Variants in CDC73 observed in about 807,000 individuals in gnomAD.
CDC73 encodes the protein parafibromin.
Under a neutral mutation model 83.7 loss-of-function variants are expected in CDC73, and 21 were observed. The observed-to-expected ratio is 0.25, with a 90% CI of 0.18 to 0.36. CDC73 has a LOEUF of 0.36. CDC73 is among the 10% of genes least tolerant of loss of function. The pLI is 1.00. For synonymous variants in CDC73, 224 were observed against 212.9 expected, an observed-to-expected ratio of 1.05 and a Z score of -0.45; for missense variants, 342 against 653.3, an observed-to-expected ratio of 0.52 and a Z score of 5.19.
intron 7 of CDC73, among the ~76,000 whole-genome samples, chr1:193,144,515 C>G (rs992289376): frequency 1.3e-5 from 2 of 152,086 alleles, no homozygotes; most frequent in Non-Finnish European, 1.5e-5. Context: ...AGTGATGGTA[C>G]ACAATCAATG....
intron 9 of CDC73, 79 bp from the exon 10 acceptor site, chr1:193,152,301 A>AT (rs1416083193): frequency 9.2e-6 from 8 of 874,224 alleles, no homozygotes; most frequent in Non-Finnish European, 1.5e-5. Context: ...TTCAATGTAG[A>AT]TTATTACTTT....
chr1:193,220,565 A>G (rs2102046066), intron 13 of CDC73, among the ~76,000 whole-genome samples: 1 of 152,342 alleles, frequency 6.6e-6, no homozygotes, highest in Non-Finnish European at 1.5e-5. Flanking sequence ...CACTAAATGT[A>G]GAATTGAATT....
chr1:193,134,375 A>G (rs1675750524), intron 3 of CDC73, among the ~76,000 whole-genome samples: 1 of 152,142 alleles, frequency 6.6e-6, no homozygotes, highest in South Asian at 2.1e-4. Flanking sequence ...AGCTATAAAA[A>G]AATGGTTAAA....
chr1:193,224,448 C>A (rs1677528311), intron 13 of CDC73, among the ~76,000 whole-genome samples: 1 of 150,482 alleles, frequency 6.6e-6, no homozygotes, highest in Non-Finnish European at 1.5e-5. Flanking sequence ...ATGAAATATG[C>A]ATTCACATAT....
intron 15 of CDC73, 147 bp downstream of exon 15, chr1:193,236,503 A>C (rs780838800): frequency 1.7e-5 from 11 of 655,738 alleles, no homozygotes; most frequent in Non-Finnish European, 3.0e-5. Flanking sequence ...CATCTGTGAC[A>C]TATTTTTAAA....
At chr1:193,242,511 A>G (rs143649646) in intron 15 of CDC73, among the ~76,000 whole-genome samples, 10 of 152,230 alleles carry the variant, frequency 6.6e-5, no homozygotes, top group East Asian at 3.9e-4. Context: ...CATCTATTCA[A>G]AGTGTGATTA....
At chr1:193,211,681 G>A (rs1341356474) in intron 11 of CDC73, among the ~76,000 whole-genome samples, 2 of 152,214 alleles carry the variant, frequency 1.3e-5, no homozygotes, top group African/African-American at 2.4e-5. Flanking sequence ...GCTGGACAAA[G>A]AGCATTCACA....
chr1:193,142,039 A>G lies in CDC73; in HGVS notation c.702A>G (p.Arg234=), dbSNP rs751548094. 1.9e-6 allele frequency: 3 copies of G among 1,613,738 alleles called. No individual in the cohort carries two copies. The highest frequency in any genetic ancestry group is 2.5e-6 in the Non-Finnish European group (3 of 1,179,672). ...GCAGAGAGAGAGTATGGAGGACACG[A>G]ACAACTATCTTACAAAGCACAGGAA... ...IVSRERVWRT[R]TTILQSTGKN... is the part of the protein sequence containing the mutation. Residue 234 remains arginine, a synonymous_variant, in exon 7 of 17, where the codon CGA becomes CGG. Transcript: ENST00000367435.
rs1678075578 is a variant in CDC73 at position 193,253,411 on chromosome 1, T to G, written c.*2699T>G. 4.3e-6 allele frequency: 1 copy of G among 231,124 alleles called. No homozygotes were observed. The highest frequency in any genetic ancestry group is 2.2e-5 in the African/African-American group (1 of 45,244). 14.3% of individuals were successfully genotyped at this position (231,124 alleles called of 1,614,324 possible). A position where few individuals can be genotyped will look rare whatever the true frequency, so the allele number is the denominator to read the frequency against. On this transcript the variant is annotated 3_prime_UTR_variant, in exon 17 of 17. Coordinates refer to ENST00000367435, the MANE Select transcript of CDC73 (RefSeq NM_024529.5). ...TATGTATGTGTGGTTTTTGATTTTT[T>G]GTTGTTGTTGTTGTTTTGTGGCCAC...
intron 13 of CDC73, among the ~76,000 whole-genome samples, chr1:193,219,829 T>G (rs1677435419): frequency 6.6e-6 from 1 of 152,140 alleles, no homozygotes; most frequent in Non-Finnish European, 1.5e-5. Flanking sequence ...CATACCCCAG[T>G]GACATGCAAT....
chr1:193,233,304 T>G, intron 14 of CDC73, 150 bp downstream of exon 14: 1 of 726,618 alleles, frequency 1.4e-6, no homozygotes, highest in South Asian at 1.6e-5. Context: ...CTGTCAGTCC[T>G]CCTGCCTCAG....
At chr1:193,135,624 AT>A in intron 5 of CDC73, 35 bp downstream of exon 5, 1 of 1,486,700 alleles carries the variant, frequency 6.7e-7, no homozygotes, top group Non-Finnish European at 9.3e-7. Context: ...TTTTATTTAT[AT>A]TGTTATTGAA....
Position 193,253,374 on chromosome 1 carries a change from CCTT to C in CDC73, c.*2666_*2668del, listed in dbSNP as rs1337122393. 4.3e-6 allele frequency: 1 copy of C among 232,194 alleles called. No homozygotes were observed. The highest frequency in any genetic ancestry group is 6.1e-5 in the East Asian group (1 of 16,454). 14.4% of individuals were successfully genotyped at this position (232,194 alleles called of 1,614,324 possible). On this transcript the variant is annotated 3_prime_UTR_variant, in exon 17 of 17. Coordinates refer to ENST00000367435, the MANE Select transcript of CDC73 (RefSeq NM_024529.5). ...ACCAGTATTAAATGTGTTTCCTCTTCCTTCTTTTCTGTATGTATGTGTGGTTTT... is the reference window on the plus strand; with the variant it reads ...ACCAGTATTAAATGTGTTTCCTCTTCCTTTTCTGTATGTATGTGTGGTTTT...
At chr1:193,187,802 T>C (rs951175886) in intron 10 of CDC73, among the ~76,000 whole-genome samples, 1 of 152,138 alleles carries the variant, frequency 6.6e-6, no homozygotes, top group African/African-American at 2.4e-5. Context: ...AGAACCCCAC[T>C]GTATTAGAAA....
At chr1:193,185,563 GA>G (rs200283970) in intron 10 of CDC73, among the ~76,000 whole-genome samples, 32 of 150,082 alleles carry the variant, frequency 2.1e-4, no homozygotes, top group African/African-American at 6.3e-4. Flanking sequence ...AAAGGACTTT[GA>G]AAAAAAAACT....
intron 10 of CDC73, among the ~76,000 whole-genome samples, chr1:193,169,269 G>T (rs1406412095): frequency 6.6e-6 from 1 of 152,180 alleles, no homozygotes; most frequent in Non-Finnish European, 1.5e-5. Flanking sequence ...ATGATGCTGG[G>T]TATGGTGGCT....
At chr1:193,209,601 G>GTTC (rs1310517034) in intron 11 of CDC73, among the ~76,000 whole-genome samples, 3 of 151,994 alleles carry the variant, frequency 2.0e-5, no homozygotes, top group Admixed American at 1.3e-4. Context: ...TCATTGACAT[G>GTTC]TTCATCACAG....
chr1:193,234,258 A>AATT (rs1558320315), intron 14 of CDC73, among the ~76,000 whole-genome samples: 19 of 129,952 alleles, frequency 1.5e-4, no homozygotes, highest in Non-Finnish European at 2.4e-4. Flanking sequence ...ATTTATATAT[A>AATT]TAATTTAATT....
Position 193,196,193 on chromosome 1 carries a change from C to T in CDC73, c.973-7602C>T, listed in dbSNP as rs572340034. On this transcript the variant is annotated intron_variant, in intron 10 of 16. Coordinates refer to ENST00000367435, the MANE Select transcript of CDC73 (RefSeq NM_024529.5). ...ATAGTTTAAAGTAATGGTCCAACTT[C>T]GTCCTTTTGCGTGTGGCTATCCAGT... is the stretch of plus-strand genomic sequence containing the variant. 3.9e-5 allele frequency among the ~76,000 whole-genome samples: 6 copies of T among 152,280 alleles called. No individual in the cohort carries two copies. In the South Asian group the frequency reaches 6.2e-4, roughly 16 times the overall value.
Sources: gnomAD v4.1 joint callset for allele counts (sites outside exome capture counted in the v4.1 genomes callset) on GRCh38, gnomAD v4.1.1 for gene constraint, MANE v1.5 for transcripts, NCBI Gene and HGNC (gene_info 2026-07-23, HGNC 2026-07-21) for gene names.